Variants in AKAP9 observed in about 807,000 individuals in gnomAD.
The protein encoded by AKAP9 is A-kinase anchoring protein 9.
In AKAP9, 311 loss-of-function variants were observed where a neutral mutation model predicts 488.5. The observed-to-expected ratio is 0.64, with a 90% CI of 0.58 to 0.70. The LOEUF (loss-of-function observed/expected upper bound fraction) is 0.70, where lower values mean the gene tolerates loss of function less well. Among genes scored for constraint, AKAP9 ranks in the 30% least tolerant of loss-of-function variants. AKAP9 has a pLI of 0.00. For missense variants in AKAP9, 4,215 were observed against 4,374.5 expected, an observed-to-expected ratio of 0.96 and a Z score of 1.03; for synonymous variants, 1,462 against 1,483.5, an observed-to-expected ratio of 0.99 and a Z score of 0.33.
chr7:91,984,944 G>T (rs1228364707), intron 3 of AKAP9, among the ~76,000 whole-genome samples: 1 of 152,116 alleles, frequency 6.6e-6, no homozygotes, highest in African/African-American at 2.4e-5. Context: ...TCTGTTAATG[G>T]TGTATAGGAA....
At chr7:92,040,983 A>C (rs1806006863) in intron 18 of AKAP9, 85 bp downstream of exon 18, 1 of 1,160,744 alleles carries the variant, frequency 8.6e-7, no homozygotes, top group Non-Finnish European at 1.2e-6. Context: ...TTAAAACAAC[A>C]GTATTTTTTA....
intron 28 of AKAP9, among the ~76,000 whole-genome samples, chr7:92,073,414 G>A (rs1467823347): frequency 6.6e-6 from 1 of 151,714 alleles, no homozygotes; most frequent in African/African-American, 2.4e-5. Flanking sequence ...GCTGAGGCAG[G>A]AGAATGCTGT....
At chr7:91,994,891 A>G (rs1584760346) in intron 6 of AKAP9, 115 bp downstream of exon 6, 7 of 923,060 alleles carry the variant, frequency 7.6e-6, no homozygotes, top group Non-Finnish European at 1.1e-5. Context: ...TATATCATGT[A>G]TGAAAAATTA....
chr7:92,043,852 A>G lies in AKAP9; in HGVS notation c.5162+1081A>G, dbSNP rs532323532. On this transcript the variant is annotated intron_variant, in intron 20 of 49. Coordinates refer to ENST00000356239, the MANE Select transcript of AKAP9 (RefSeq NM_005751.5). The stretch of plus-strand genomic sequence containing the variant: ...AGCCTGATTTTTGGCAAGCTCCTAC[A>G]GTGTGAAGCTAAAAGATAAAACTGT... Among the ~76,000 whole-genome samples the G allele has an allele frequency of 3.3e-5, 5 of 152,324 alleles. No individual in the cohort carries two copies. In the South Asian group the frequency reaches 1.0e-3, roughly 32 times the overall value.
intron 15 of AKAP9, among the ~76,000 whole-genome samples, chr7:92,030,740 T>TA (rs1804095834): frequency 6.6e-6 from 1 of 151,900 alleles, no homozygotes; most frequent in Non-Finnish European, 1.5e-5. Context: ...GTATGGTATA[T>TA]AAAAAAGTTC....
At chr7:91,968,554 C>CAAA (rs1794693873) in intron 1 of AKAP9, among the ~76,000 whole-genome samples, 2 of 152,034 alleles carry the variant, frequency 1.3e-5, no homozygotes, top group South Asian at 4.1e-4. Context: ...CTTTTTGTTT[C>CAAA]ATTGACTTCT....
rs201200900 is a variant in AKAP9, at chr7:91,970,459, T to G, written c.49-3252T>G. 40 of 457,014 alleles carry G rather than the reference T, an allele frequency of 8.8e-5. No homozygotes were observed. The East Asian group carries it at 2.6e-3, about 29-fold the overall frequency. 28.3% of individuals were successfully genotyped at this position (457,014 alleles called of 1,614,324 possible). On this transcript the variant is annotated intron_variant, in intron 1 of 49. Transcript: ENST00000356239. Reference sequence around the variant, plus strand: ...CATGTTTTGTTTTTTCACATTAGTGTTTTTTTCTTTCAGATTGAAGAACTC... The same window carrying G: ...CATGTTTTGTTTTTTCACATTAGTGGTTTTTTCTTTCAGATTGAAGAACTC...
chr7:92,102,420 A>G (rs554267369), intron 45 of AKAP9, among the ~76,000 whole-genome samples, 174 bp from the exon 46 acceptor site: 96 of 150,786 alleles, frequency 6.4e-4, no homozygotes, highest in African/African-American at 2.3e-3. Context: ...AAAGTAGAAA[A>G]CAGTGATAGG....
chr7:91,988,206 G>C (rs1054206481), intron 3 of AKAP9, among the ~76,000 whole-genome samples: 2 of 139,960 alleles, frequency 1.4e-5, no homozygotes, highest in Non-Finnish European at 3.0e-5. Context: ...ATGTCATACT[G>C]TAAGAATAAG....
intron 47 of AKAP9, among the ~76,000 whole-genome samples, chr7:92,106,164 A>G (rs918078699): frequency 6.6e-6 from 1 of 152,220 alleles, no homozygotes; most frequent in Admixed American, 6.5e-5. Context: ...CTGCATGTGT[A>G]ATACTTACCA....
Position 92,084,888 on chromosome 7 carries a change from G to A in AKAP9, c.8780G>A (p.Gly2927Asp). 6.2e-7 allele frequency: 1 copy of A among 1,613,462 alleles called. No homozygotes were observed. The highest frequency in any genetic ancestry group is 8.5e-7 in the Non-Finnish European group (1 of 1,179,684). The change falls in exon 35 of 50, where the codon GGC (glycine) becomes GAC (aspartate). Residue 2927 changes from glycine (G) to aspartate (D), a missense_variant. Gly to Asp is a moderately conservative substitution (Grantham distance 94, BLOSUM62 -1). Transcript: ENST00000356239. ...HSQGFDIASE[G>D]RGEESESATD... ...CAGGGATTTGACATAGCATCAGAAG[G>A]CCGAGGAGAAGAAAGTGAAAGTGCA...
chr7:92,093,004 C>T (rs946302215), intron 38 of AKAP9, 93 bp from the exon 39 acceptor site: 18 of 1,098,488 alleles, frequency 1.6e-5, no homozygotes, highest in Non-Finnish European at 2.4e-5. Context: ...GAAGTAATCT[C>T]CTTAACTACA....
chr7:91,954,948 A>G (rs532750689), intron 1 of AKAP9, among the ~76,000 whole-genome samples: 16 of 152,366 alleles, frequency 1.1e-4, no homozygotes, highest in Admixed American at 3.9e-4. Context: ...GAAGTGTTTT[A>G]TAGTCTGTAA....
chr7:92,040,000 TCTTTATGGAATGCAAAA>T (rs1235050742), intron 17 of AKAP9, among the ~76,000 whole-genome samples: 17 of 152,140 alleles, frequency 1.1e-4, no homozygotes, highest in African/African-American at 4.1e-4. Context: ...AATTGCCAAC[TCTTTATGGAATGCAAAA>T]CTTGTTAGGT....
intron 15 of AKAP9, 148 bp downstream of exon 15, chr7:92,030,139 A>T (rs1208738262): frequency 1.6e-6 from 1 of 627,054 alleles, no homozygotes; most frequent in East Asian, 2.8e-5. Flanking sequence ...AACTCAGAAT[A>T]CACATGTAAA....
At chr7:92,058,845 T>G (rs924544217) in intron 22 of AKAP9, among the ~76,000 whole-genome samples, 1 of 152,018 alleles carries the variant, frequency 6.6e-6, no homozygotes, top group Non-Finnish European at 1.5e-5. Flanking sequence ...AAAAGGAAGC[T>G]TGGGTTCTAA....
Position 92,040,802 on chromosome 7 carries a change from G to A in AKAP9, c.4821G>A (p.Leu1607=). ...AAGAACATCAACAGGCAACGGAATTGTTAAGGCAAGCACATATGCGGCAAA... is the reference window on the plus strand; with the variant it reads ...AAGAACATCAACAGGCAACGGAATTATTAAGGCAAGCACATATGCGGCAAA... ...QYQEHQQATE[L]LRQAHMRQME... Residue 1607 remains leucine, a synonymous_variant, in exon 18 of 50, where the codon TTG becomes TTA. Coordinates refer to ENST00000356239, the MANE Select transcript of AKAP9 (RefSeq NM_005751.5). 1 of 1,614,024 alleles carries A rather than the reference G, an allele frequency of 6.2e-7. No individual in the cohort carries two copies. The highest frequency in any genetic ancestry group is 8.5e-7 in the Non-Finnish European group (1 of 1,180,008).
intron 31 of AKAP9, among the ~76,000 whole-genome samples, chr7:92,081,488 T>TAG (rs1178164514): frequency 2.6e-5 from 3 of 115,758 alleles, no homozygotes; most frequent in African/African-American, 1.1e-4. Context: ...TATATATATA[T>TAG]ATATATATAT....
At chr7:92,009,691 G>C (rs1201552329) in intron 8 of AKAP9, among the ~76,000 whole-genome samples, 2 of 152,152 alleles carry the variant, frequency 1.3e-5, no homozygotes, top group African/African-American at 2.4e-5. Flanking sequence ...ACGAAGACCT[G>C]ATAAGAACAC....
Sources: gnomAD v4.1 joint callset for allele counts (sites outside exome capture counted in the v4.1 genomes callset) on GRCh38, gnomAD v4.1.1 for gene constraint, MANE v1.5 for transcripts, NCBI Gene and HGNC (gene_info 2026-07-23, HGNC 2026-07-21) for gene names.